PAPPA: variants seen among roughly 807,000 people sequenced by gnomAD.
PAPPA encodes the protein pappalysin 1.
PAPPA carries 60 observed loss-of-function variants against 164.0 expected under a neutral mutation model. That is an observed-to-expected ratio of 0.37 (90% CI 0.30 to 0.45). The LOEUF (loss-of-function observed/expected upper bound fraction) is 0.45, where lower values mean the gene tolerates loss of function less well. Ranked by LOEUF, PAPPA falls within the 20% of genes least tolerant of loss-of-function variation. The pLI, the probability that PAPPA is intolerant of heterozygous loss-of-function variation, is 1.00. For synonymous variants in PAPPA, 875 were observed against 814.1 expected, an observed-to-expected ratio of 1.07 and a Z score of -1.27; for missense variants, 1,782 against 2,087.3, an observed-to-expected ratio of 0.85 and a Z score of 2.85.
intron 1 of PAPPA, among the ~76,000 whole-genome samples, chr9:116,185,142 A>G (rs1258839979): frequency 6.6e-6 from 1 of 152,232 alleles, no homozygotes; most frequent in Non-Finnish European, 1.5e-5. Flanking sequence ...CTTGGACCTA[A>G]TATGTGACAC....
At chr9:116,183,321 C>G (rs920655500) in intron 1 of PAPPA, among the ~76,000 whole-genome samples, 1 of 152,188 alleles carries the variant, frequency 6.6e-6, no homozygotes, top group Admixed American at 6.5e-5. Context: ...CTTCTCCTTA[C>G]AAGGAACCAT....
chr9:116,245,699 T>G (rs561027512), intron 7 of PAPPA, among the ~76,000 whole-genome samples: 2 of 152,270 alleles, frequency 1.3e-5, no homozygotes, highest in East Asian at 3.9e-4. Context: ...AATTTATTGT[T>G]TTGTTGGGCA....
chr9:116,206,953 T>C (rs1309616937), intron 2 of PAPPA, among the ~76,000 whole-genome samples: 1 of 152,110 alleles, frequency 6.6e-6, no homozygotes, highest in Non-Finnish European at 1.5e-5. Context: ...GTTGTAGAGA[T>C]AGATGAGGCT....
intron 1 of PAPPA, among the ~76,000 whole-genome samples, chr9:116,161,558 T>C (rs1316115548): frequency 6.6e-6 from 1 of 152,168 alleles, no homozygotes; most frequent in African/African-American, 2.4e-5. Flanking sequence ...GGACTGACAT[T>C]GAGGAGTTAT....
intron 4 of PAPPA, among the ~76,000 whole-genome samples, chr9:116,215,665 G>A (rs936655441): frequency 6.6e-6 from 1 of 152,110 alleles, no homozygotes; most frequent in South Asian, 2.1e-4. Context: ...CTTGGGTGAT[G>A]AAGTAATCTA....
chr9:116,288,228 G>A (rs998958454), intron 9 of PAPPA, among the ~76,000 whole-genome samples: 1 of 152,090 alleles, frequency 6.6e-6, no homozygotes, highest in African/African-American at 2.4e-5. Flanking sequence ...AATTAGCCGA[G>A]TGTAGTGGTC....
intron 2 of PAPPA, among the ~76,000 whole-genome samples, chr9:116,191,045 G>A (rs3789278): frequency 1.3e-5 from 1 of 79,280 alleles, no homozygotes; most frequent in Non-Finnish European, 3.6e-5. Context: ...AGGAAGGGAA[G>A]GAGGGAGGGA....
At chr9:116,212,470 C>T (rs1031401740) in intron 4 of PAPPA, among the ~76,000 whole-genome samples, 8 of 152,136 alleles carry the variant, frequency 5.3e-5, no homozygotes, top group Non-Finnish European at 1.0e-4. Context: ...CAAATTAGAA[C>T]AAGACACCCC....
chr9:116,340,848 C>A (rs1846127095), intron 13 of PAPPA, among the ~76,000 whole-genome samples: 1 of 152,170 alleles, frequency 6.6e-6, no homozygotes, highest in Non-Finnish European at 1.5e-5. Context: ...GCTACCCCTA[C>A]TGATCTGACC....
intron 2 of PAPPA, among the ~76,000 whole-genome samples, chr9:116,196,748 T>A (rs1156805295): frequency 6.6e-6 from 1 of 152,316 alleles, no homozygotes; most frequent in East Asian, 1.9e-4. Flanking sequence ...CTTCCTCCTT[T>A]CTCCTTTCTT....
intron 10 of PAPPA, among the ~76,000 whole-genome samples, chr9:116,305,357 A>T (rs919967910): frequency 6.6e-6 from 1 of 152,110 alleles, no homozygotes; most frequent in South Asian, 2.1e-4. Flanking sequence ...ATAGCTTGAG[A>T]GGAGGAGCTG....
intron 9 of PAPPA, among the ~76,000 whole-genome samples, chr9:116,278,207 T>G (rs1003754279): frequency 6.6e-6 from 1 of 152,216 alleles, no homozygotes; most frequent in Admixed American, 6.5e-5. Flanking sequence ...TGCTAAGAAC[T>G]CTTTGTAAAA....
chr9:116,193,191 T>C (rs1479114285), intron 2 of PAPPA, among the ~76,000 whole-genome samples: 1 of 152,058 alleles, frequency 6.6e-6, no homozygotes, highest in Admixed American at 6.6e-5. Context: ...TTTTTGTTGT[T>C]GTTGCTTTTG....
At chr9:116,337,982 T>G (rs1054371235) in intron 13 of PAPPA, among the ~76,000 whole-genome samples, 1 of 151,950 alleles carries the variant, frequency 6.6e-6, no homozygotes, top group Admixed American at 6.6e-5. Context: ...GGAGAAAAGG[T>G]GGGGAGGGAA....
At chr9:116,317,962 A>G (rs1310068772) in intron 10 of PAPPA, among the ~76,000 whole-genome samples, 1 of 152,218 alleles carries the variant, frequency 6.6e-6, no homozygotes, top group Non-Finnish European at 1.5e-5. Flanking sequence ...AAAGTTAGCA[A>G]TGTATTTTTT....
At chr9:116,334,316 G>T (rs1846032383) in intron 12 of PAPPA, among the ~76,000 whole-genome samples, 1 of 151,172 alleles carries the variant, frequency 6.6e-6, no homozygotes, top group Non-Finnish European at 1.5e-5. Context: ...GCCATGCCTG[G>T]GCTGTGCTTC....
chr9:116,209,966 G>GTAAT (rs1458213827), intron 3 of PAPPA, among the ~76,000 whole-genome samples: 1 of 152,126 alleles, frequency 6.6e-6, no homozygotes, highest in African/African-American at 2.4e-5. Context: ...CTGCTCATGA[G>GTAAT]TAATTCCTCT....
intron 7 of PAPPA, among the ~76,000 whole-genome samples, chr9:116,255,795 G>A: frequency 6.6e-6 from 1 of 151,964 alleles, no homozygotes; most frequent in Non-Finnish European, 1.5e-5. Context: ...TTTGGTGAAA[G>A]GGTGTACTAG....
intron 1 of PAPPA, among the ~76,000 whole-genome samples, chr9:116,176,441 A>C (rs1190691864): frequency 3.9e-5 from 6 of 152,222 alleles, no homozygotes; most frequent in Non-Finnish European, 8.8e-5. Context: ...TAATGTAATT[A>C]TGATGGATTA....
Sources: gnomAD v4.1 joint callset for allele counts (sites outside exome capture counted in the v4.1 genomes callset) on GRCh38, gnomAD v4.1.1 for gene constraint, MANE v1.5 for transcripts, NCBI Gene and HGNC (gene_info 2026-07-23, HGNC 2026-07-21) for gene names.